STXBP3: variants seen among roughly 807,000 people sequenced by gnomAD.
STXBP3 encodes the protein syntaxin binding protein 3.
Under a neutral mutation model 85.7 loss-of-function variants are expected in STXBP3, and 41 were observed. That is an observed-to-expected ratio of 0.48 (90% CI 0.37 to 0.62). The LOEUF (loss-of-function observed/expected upper bound fraction) is 0.62, where lower values mean the gene tolerates loss of function less well. Ranked by LOEUF, STXBP3 falls within the 20% of genes least tolerant of loss-of-function variation. STXBP3 has a pLI of 0.00. For synonymous variants in STXBP3, 229 were observed against 231.7 expected (o/e 0.99, Z 0.10); for missense variants, 563 against 703.1 (o/e 0.80, Z 2.25).
At chr1:108,792,737 C>G (rs1663003823) in intron 11 of STXBP3, among the ~76,000 whole-genome samples, 1 of 152,176 alleles carries the variant, frequency 6.6e-6, no homozygotes, top group South Asian at 2.1e-4. Flanking sequence ...GATGCTGTCT[C>G]TACACAGAAT....
chr1:108,795,406 T>C (rs1485906756), intron 13 of STXBP3, among the ~76,000 whole-genome samples: 2 of 151,836 alleles, frequency 1.3e-5, no homozygotes, highest in African/African-American at 2.4e-5. Context: ...TGTGTGCTTA[T>C]AGTCCCAGCT....
intron 17 of STXBP3, among the ~76,000 whole-genome samples, chr1:108,801,727 G>A (rs913289601): frequency 6.6e-6 from 1 of 151,564 alleles, no homozygotes; most frequent in African/African-American, 2.4e-5. Flanking sequence ...GGAGTGCAGT[G>A]GCATGATCGT....
intron 18 of STXBP3, 78 bp from the exon 19 acceptor site, chr1:108,808,705 A>G: frequency 1.8e-6 from 2 of 1,134,424 alleles, no homozygotes; most frequent in East Asian, 2.4e-5. Flanking sequence ...TACATATTTG[A>G]AGGACAACAC....
intron 17 of STXBP3, among the ~76,000 whole-genome samples, chr1:108,805,574 G>A (rs367904923): frequency 8.5e-5 from 13 of 152,122 alleles, no homozygotes; most frequent in South Asian, 2.1e-4. Context: ...ACAGGCATGC[G>A]CCACCATGCC....
intron 1 of STXBP3, among the ~76,000 whole-genome samples, chr1:108,747,333 C>CT (rs1661813058): frequency 6.6e-6 from 1 of 152,226 alleles, no homozygotes; most frequent in Admixed American, 6.5e-5. Context: ...GAGGAGCCTA[C>CT]TTTCTGAAAA....
In STXBP3 at chr1:108,798,601, A is replaced by G. The variant is rs900052996; in HGVS notation, c.1449+364A>G. On this transcript the variant is annotated intron_variant, in intron 16 of 18. Transcript: ENST00000370008. ...TGGCTAATTTTTGTATTTTTAGTGG[A>G]GACAGGGTTTCACTATGTTGGCCAG... 1.2e-4 allele frequency among the ~76,000 whole-genome samples: 18 copies of G among 151,682 alleles called. No individual in the cohort carries two copies. The East Asian group carries it at 3.1e-3, about 26-fold the overall frequency.
At chr1:108,774,262 GATA>G (rs1218105733) in intron 7 of STXBP3, among the ~76,000 whole-genome samples, 4 of 152,146 alleles carry the variant, frequency 2.6e-5, no homozygotes, top group Non-Finnish European at 2.9e-5. Context: ...AAATAAGAAT[GATA>G]ATAATACCTA....
chr1:108,772,611 T>TA lies in STXBP3; in HGVS notation c.439-54_439-53insA, dbSNP rs1224128940. The TA allele has an allele frequency of 1.7e-5, 16 of 961,908 alleles. No homozygotes were observed. In the East Asian group the frequency reaches 2.9e-4, roughly 17 times the overall value. 59.6% of individuals were successfully genotyped at this position (961,908 alleles called of 1,614,324 possible). A position where few individuals can be genotyped will look rare whatever the true frequency, so the allele number is the denominator to read the frequency against. The stretch of plus-strand genomic sequence containing the variant: ...TATATAACATAAATATAAATATATA[T>TA]TTTTTTTAAATCAGGTCTCCAGATT... On this transcript the variant is annotated intron_variant, in intron 6 of 18. Transcript: ENST00000370008.
chr1:108,779,684 G>A (rs947966861), intron 9 of STXBP3: 2 of 211,434 alleles, frequency 9.5e-6, no homozygotes, highest in African/African-American at 4.7e-5. Flanking sequence ...AGGGAATTTG[G>A]CCCTTTTGCT....
intron 11 of STXBP3, among the ~76,000 whole-genome samples, chr1:108,784,732 A>G (rs1324728371): frequency 1.3e-5 from 2 of 152,178 alleles, no homozygotes; most frequent in Admixed American, 6.5e-5. Context: ...CCTTCTGCCT[A>G]TGAGCCTATA....
intron 9 of STXBP3, chr1:108,780,748 G>A (rs1217313540): frequency 5.4e-5 from 8 of 147,782 alleles, no homozygotes; most frequent in African/African-American, 2.0e-4. Flanking sequence ...TCATGTTGGT[G>A]CCTTCTTTAA....
chr1:108,759,712 A>G (rs1662094156), intron 5 of STXBP3, among the ~76,000 whole-genome samples: 1 of 152,162 alleles, frequency 6.6e-6, no homozygotes, highest in African/African-American at 2.4e-5. Flanking sequence ...TTTTCTTCCT[A>G]ACAATTTCAG....
chr1:108,756,682 C>G lies in STXBP3; in HGVS notation c.182-8C>G. 6.6e-7 allele frequency: 1 copy of G among 1,511,736 alleles called. No individual in the cohort carries two copies. Among genetic ancestry groups the G allele is most frequent in the South Asian group, 1.4e-5 (1 of 70,438 alleles). 93.6% of individuals were successfully genotyped at this position (1,511,736 alleles called of 1,614,324 possible). A position where few individuals can be genotyped will look rare whatever the true frequency, so the allele number is the denominator to read the frequency against. On this transcript the variant is annotated splice_region_variant and splice_polypyrimidine_tract_variant and intron_variant, in intron 3 of 18. Transcript: ENST00000370008. ...TTGGTTATATAAAATGACCTTTTTT[C>G]TTGTTAGTTGTAGAGAATATTTATA...
At chr1:108,749,999 A>C (rs938726980) in intron 1 of STXBP3, among the ~76,000 whole-genome samples, 1 of 152,138 alleles carries the variant, frequency 6.6e-6, no homozygotes, top group African/African-American at 2.4e-5. Flanking sequence ...AGGATATCTC[A>C]GTTCAGACTA....
intron 17 of STXBP3, 72 bp downstream of exon 17, chr1:108,800,377 C>A: frequency 8.4e-7 from 1 of 1,187,638 alleles, no homozygotes; most frequent in Non-Finnish European, 1.2e-6. Context: ...TACACAGATA[C>A]TCATATTTGG....
At chr1:108,774,640 C>CT (rs11290690) in intron 7 of STXBP3, among the ~76,000 whole-genome samples, 19 of 92,606 alleles carry the variant, frequency 2.1e-4, no homozygotes, top group East Asian at 1.0e-3. Flanking sequence ...TCTTTCTTTC[C>CT]TTTTTTTTTT....
chr1:108,749,837 A>G (rs1223984286), intron 1 of STXBP3, among the ~76,000 whole-genome samples: 1 of 152,252 alleles, frequency 6.6e-6, no homozygotes, highest in African/African-American at 2.4e-5. Context: ...AGAAATTTAA[A>G]GCACATATGT....
At chr1:108,769,019 C>T (rs1002009354) in intron 6 of STXBP3, among the ~76,000 whole-genome samples, 13 of 152,194 alleles carry the variant, frequency 8.5e-5, no homozygotes, top group Middle Eastern at 3.4e-3. Context: ...ATTTTAAACT[C>T]GCCAAAAACT....
At chr1:108,749,294 G>A (rs1022062231) in intron 1 of STXBP3, among the ~76,000 whole-genome samples, 4 of 152,128 alleles carry the variant, frequency 2.6e-5, no homozygotes, top group Non-Finnish European at 4.4e-5. Context: ...TAGTTTTCAG[G>A]GTGCTGTAAT....
Sources: gnomAD v4.1 joint callset for allele counts (sites outside exome capture counted in the v4.1 genomes callset) on GRCh38, gnomAD v4.1.1 for gene constraint, MANE v1.5 for transcripts, NCBI Gene and HGNC (gene_info 2026-07-23, HGNC 2026-07-21) for gene names.